Variants in ADAMTS6 observed in about 807,000 individuals in gnomAD.
The protein encoded by ADAMTS6 is ADAM metallopeptidase with thrombospondin type 1 motif 6, also known as A disintegrin and metalloproteinase with thrombospondin motifs 6.
Under a neutral mutation model 144.3 loss-of-function variants are expected in ADAMTS6, and 23 were observed. That is an observed-to-expected ratio of 0.16 (90% confidence interval 0.11 to 0.23). The LOEUF is 0.23. Ranked by LOEUF, ADAMTS6 falls within the 10% of genes least tolerant of loss-of-function variation. The probability of loss-of-function intolerance (pLI) is 1.00; values close to 1 mark genes in which losing one functional copy is unlikely to be tolerated. For synonymous variants in ADAMTS6, 444 were observed against 457.5 expected, an observed-to-expected ratio of 0.97 and a Z score of 0.38; for missense variants, 999 against 1,379.6, an observed-to-expected ratio of 0.72 and a Z score of 4.37.
At chr5:65,235,621 C>T (rs1299628904) in intron 15 of ADAMTS6, among the ~76,000 whole-genome samples, 12 of 152,168 alleles carry the variant, frequency 7.9e-5, no homozygotes, top group Admixed American at 1.3e-4. Context: ...GCCTCCCAGA[C>T]TATCTTTCTC....
At chr5:65,179,770 T>TTAA (rs1754220696) in intron 22 of ADAMTS6, among the ~76,000 whole-genome samples, 1 of 152,228 alleles carries the variant, frequency 6.6e-6, no homozygotes, top group African/African-American at 2.4e-5. Flanking sequence ...CAGATTAATG[T>TTAA]TAAAAGTACC....
intron 4 of ADAMTS6, among the ~76,000 whole-genome samples, chr5:65,457,212 T>C (rs559219428): frequency 6.6e-6 from 1 of 152,314 alleles, no homozygotes; most frequent in African/African-American, 2.4e-5. Flanking sequence ...CAGCCAGATA[T>C]AGGGGACAGA....
intron 11 of ADAMTS6, among the ~76,000 whole-genome samples, chr5:65,290,847 TGTC>T (rs1742231544): frequency 6.6e-6 from 1 of 152,190 alleles, no homozygotes; most frequent in East Asian, 1.9e-4. Context: ...CTTGAGCTAA[TGTC>T]ATCTTGTTCC....
intron 7 of ADAMTS6, among the ~76,000 whole-genome samples, chr5:65,443,543 G>A (rs926058543): frequency 3.4e-5 from 5 of 148,030 alleles, no homozygotes; most frequent in African/African-American, 7.5e-5. Flanking sequence ...GACTGCTTGA[G>A]CCTGGGAGGC....
intron 12 of ADAMTS6, among the ~76,000 whole-genome samples, chr5:65,271,118 G>A (rs1195119163): frequency 1.3e-5 from 2 of 151,900 alleles, no homozygotes; most frequent in African/African-American, 4.8e-5. Context: ...GGCTGGGCAC[G>A]GTGGCTCACA....
chr5:65,439,576 AG>A (rs1757713750), intron 7 of ADAMTS6, among the ~76,000 whole-genome samples: 1 of 152,196 alleles, frequency 6.6e-6, no homozygotes, highest in African/African-American at 2.4e-5. Flanking sequence ...AGCGAAAGAA[AG>A]GCTGAGGAAC....
At chr5:65,338,677 G>A (rs1238834266) in intron 7 of ADAMTS6, among the ~76,000 whole-genome samples, 1 of 151,938 alleles carries the variant, frequency 6.6e-6, no homozygotes, top group African/African-American at 2.4e-5. Context: ...CCTGAGCCCA[G>A]AGCCAGGAAT....
At chr5:65,161,652 A>C (rs1323799627) in intron 24 of ADAMTS6, among the ~76,000 whole-genome samples, 3 of 152,244 alleles carry the variant, frequency 2.0e-5, no homozygotes, top group Admixed American at 2.0e-4. Flanking sequence ...CTATGAACTT[A>C]TAAATATATT....
At position 65,151,749 on chromosome 5, in the gene ADAMTS6, C is replaced by A; in HGVS notation, c.*87G>T. 2 of 1,191,622 alleles carry A rather than the reference C, an allele frequency of 1.7e-6. No homozygotes were observed. The highest frequency in any genetic ancestry group is 4.7e-5 in the East Asian group (2 of 42,338). 73.8% of individuals were successfully genotyped at this position (1,191,622 alleles called of 1,614,324 possible). A position where few individuals can be genotyped will look rare whatever the true frequency, so the allele number is the denominator to read the frequency against. On this transcript the variant is annotated 3_prime_UTR_variant, in exon 25 of 25. Transcript: ENST00000381055. ...CCACAGGGTAATGCATTTGCAAGGA[C>A]ATCAATCCTCTTCCTCTGGGTGGCT...
In ADAMTS6 at chr5:65,386,162, A is replaced by G. The variant is rs146728906; in HGVS notation, c.1074-52077T>C. Among the ~76,000 whole-genome samples the G allele has an allele frequency of 4.8e-3, 732 of 152,300 alleles. 4 individuals carry two copies. The highest frequency in any genetic ancestry group is 0.01 in the East Asian group (54 of 5,190). ...ACATCTTAAATATGTTTTTCTTCTCATTGAATTCCAGGCTATATATTATTA... is the reference window on the plus strand; with the variant it reads ...ACATCTTAAATATGTTTTTCTTCTCGTTGAATTCCAGGCTATATATTATTA... On this transcript the variant is annotated intron_variant, in intron 7 of 24. Transcript: ENST00000381055.
chr5:65,451,444 T>C lies in ADAMTS6; in HGVS notation c.1073+31A>G, dbSNP rs753656601. On this transcript the variant is annotated intron_variant, in intron 7 of 24. Transcript: ENST00000381055. ...TTACAATAGTGAATAAACACAACAATCAATGGAAAAATACTTGCAACAAAC... is the reference window on the plus strand; with the variant it reads ...TTACAATAGTGAATAAACACAACAACCAATGGAAAAATACTTGCAACAAAC... 5.0e-6 allele frequency: 8 copies of C among 1,612,060 alleles called. No homozygotes were observed. The South Asian group carries it at 8.8e-5, about 18-fold the overall frequency.
At chr5:65,388,703 A>T (rs1000867232) in intron 7 of ADAMTS6, among the ~76,000 whole-genome samples, 9 of 152,180 alleles carry the variant, frequency 5.9e-5, no homozygotes, top group Non-Finnish European at 7.3e-5. Flanking sequence ...ACATGAGTAT[A>T]TTCTCATAAA....
intron 21 of ADAMTS6, among the ~76,000 whole-genome samples, chr5:65,194,784 C>G (rs1755230813): frequency 6.6e-6 from 1 of 152,072 alleles, no homozygotes; most frequent in African/African-American, 2.4e-5. Context: ...TTCCATTCCC[C>G]ATCTCCAAAC....
chr5:65,391,771 G>A (rs1752937665), intron 7 of ADAMTS6, among the ~76,000 whole-genome samples: 1 of 146,848 alleles, frequency 6.8e-6, no homozygotes, highest in African/African-American at 2.5e-5. Flanking sequence ...GAGTCTTACT[G>A]TGTCACCCAG....
Position 65,149,251 on chromosome 5 carries a change from C to T in ADAMTS6, c.*2585G>A, listed in dbSNP as rs1039382091. 6.6e-6 allele frequency: 1 copy of T among 152,216 alleles called. No homozygotes were observed. Among genetic ancestry groups the T allele is most frequent in the Non-Finnish European group, 1.5e-5 (1 of 68,038 alleles). The allele number at this position is 152,216 out of a possible 1,614,324, so 9.4% of individuals were successfully genotyped here. ...TTTTGGAAGGTCTGCCATGGTGGCC[C>T]AGCCTCCACTGACAATGCTATTGTT... On this transcript the variant is annotated 3_prime_UTR_variant, in exon 25 of 25. Transcript: ENST00000381055.
chr5:65,371,533 G>T (rs1750914176), intron 7 of ADAMTS6, among the ~76,000 whole-genome samples: 1 of 152,148 alleles, frequency 6.6e-6, no homozygotes, highest in South Asian at 2.1e-4. Flanking sequence ...GATGGAAGAT[G>T]AAGTGAATGA....
intron 24 of ADAMTS6, among the ~76,000 whole-genome samples, chr5:65,163,468 A>C (rs575954020): frequency 6.0e-4 from 92 of 152,218 alleles, no homozygotes; most frequent in Non-Finnish European, 2.9e-4. Context: ...TTGAGGCTTA[A>C]GTATAAAAAA....
chr5:65,446,947 A>G (rs1341811793), intron 7 of ADAMTS6, among the ~76,000 whole-genome samples: 1 of 152,274 alleles, frequency 6.6e-6, no homozygotes, highest in East Asian at 1.9e-4. Context: ...AAATGGGTAA[A>G]TTGTATGGTT....
chr5:65,369,916 A>T (rs549475046), intron 7 of ADAMTS6, among the ~76,000 whole-genome samples: 1 of 152,310 alleles, frequency 6.6e-6, no homozygotes, highest in African/African-American at 2.4e-5. Flanking sequence ...AGCTGATAAT[A>T]GAACTAACTT....
Sources: allele counts gnomAD v4.1 joint callset (sites outside exome capture counted in the v4.1 genomes callset), GRCh38; gene constraint gnomAD v4.1.1; transcripts MANE v1.5; gene names NCBI Gene and HGNC (gene_info 2026-07-23, HGNC 2026-07-21).